Variants in P4HA1 observed in about 807,000 individuals in gnomAD.
P4HA1 encodes prolyl 4-hydroxylase subunit alpha 1.
P4HA1 carries 24 observed loss-of-function variants against 72.8 expected under a neutral mutation model. The ratio of observed to expected loss-of-function variants is 0.33; its 90% confidence interval spans 0.24 to 0.46. The LOEUF (loss-of-function observed/expected upper bound fraction) is 0.46. Among genes scored for constraint, P4HA1 ranks in the 20% least tolerant of loss-of-function variants. The pLI, the probability that P4HA1 is intolerant of heterozygous loss-of-function variation, is 1.00. For synonymous variants in P4HA1, 201 were observed against 218.8 expected (o/e 0.92, Z 0.72); for missense variants, 446 against 640.6 (o/e 0.70, Z 3.28).
At chr10:73,048,673 G>A (rs889558264) in intron 7 of P4HA1, among the ~76,000 whole-genome samples, 1 of 152,112 alleles carries the variant, frequency 6.6e-6, no homozygotes, top group Non-Finnish European at 1.5e-5. Context: ...TTCCTTAAGA[G>A]TTATTAAGAG....
intron 7 of P4HA1, among the ~76,000 whole-genome samples, chr10:73,050,704 A>G (rs947416412): frequency 1.3e-5 from 2 of 151,782 alleles, no homozygotes; most frequent in Admixed American, 6.6e-5. Flanking sequence ...CATCTCAAAA[A>G]AAAAAAAAAA....
chr10:73,094,941 T>C (rs540242351), intron 1 of P4HA1, among the ~76,000 whole-genome samples: 1 of 152,306 alleles, frequency 6.6e-6, no homozygotes, highest in Non-Finnish European at 1.5e-5. Flanking sequence ...ACCAAAGTCC[T>C]GATTTTCAGT....
intron 5 of P4HA1, among the ~76,000 whole-genome samples, chr10:73,054,973 T>G (rs1371032791): frequency 1.3e-5 from 2 of 152,138 alleles, no homozygotes; most frequent in Non-Finnish European, 2.9e-5. Context: ...ACACCTGTAA[T>G]CCAGTGTTTG....
chr10:73,038,328 A>C (rs1200223547), intron 9 of P4HA1, among the ~76,000 whole-genome samples: 1 of 152,204 alleles, frequency 6.6e-6, no homozygotes. Flanking sequence ...TACATTCATG[A>C]TATCATAAAT....
At chr10:73,067,172 T>C (rs1841443564) in intron 5 of P4HA1, among the ~76,000 whole-genome samples, 1 of 152,152 alleles carries the variant, frequency 6.6e-6, no homozygotes, top group Admixed American at 6.5e-5. Flanking sequence ...CCAGCCCTAT[T>C]TTGTTAAATG....
At chr10:73,048,212 A>C (rs1049660264) in intron 7 of P4HA1, among the ~76,000 whole-genome samples, 2 of 152,180 alleles carry the variant, frequency 1.3e-5, no homozygotes, top group African/African-American at 4.8e-5. Context: ...ATTTTTAGTA[A>C]GTCTTTTATA....
chr10:73,020,933 G>T (rs1434305403), intron 10 of P4HA1, among the ~76,000 whole-genome samples: 2 of 152,108 alleles, frequency 1.3e-5, no homozygotes, highest in African/African-American at 2.4e-5. Flanking sequence ...TCAGGAGTAC[G>T]AGACCAGCCT....
At chr10:73,043,847 G>C in intron 9 of P4HA1, 1 of 1,390,242 alleles carries the variant, frequency 7.2e-7, no homozygotes, top group Non-Finnish European at 1.0e-6. Flanking sequence ...AGAAAGAAAT[G>C]GTCCAAATAT....
At chr10:73,033,411 T>G (rs981840505) in intron 9 of P4HA1, among the ~76,000 whole-genome samples, 3 of 152,174 alleles carry the variant, frequency 2.0e-5, no homozygotes, top group Non-Finnish European at 2.9e-5. Flanking sequence ...TTCAGCCTTA[T>G]AGAGGCAGAC....
chr10:73,051,345 T>C, intron 6 of P4HA1, 96 bp from the exon 7 acceptor site: 2 of 681,716 alleles, frequency 2.9e-6, no homozygotes, highest in South Asian at 2.1e-5. Context: ...TTATAATTTA[T>C]CTTCCAAACC....
chr10:73,054,134 G>A (rs1841080956), intron 5 of P4HA1, among the ~76,000 whole-genome samples: 1 of 152,084 alleles, frequency 6.6e-6, no homozygotes, highest in Non-Finnish European at 1.5e-5. Context: ...TCGAACTCCT[G>A]ATCTCAGGTG....
At chr10:73,043,176 T>A (rs988969113) in intron 9 of P4HA1, among the ~76,000 whole-genome samples, 3 of 152,194 alleles carry the variant, frequency 2.0e-5, no homozygotes, top group African/African-American at 7.2e-5. Context: ...TATAAACAAG[T>A]GAAAATGTAT....
rs377598550 is a variant in P4HA1 at position 73,009,971 on chromosome 10, C to CTT, written c.1438-70_1438-69dup. 3.5e-3 allele frequency: 2,247 copies of CTT among 650,978 alleles called. 12 individuals carry two copies. The highest frequency in any genetic ancestry group is 0.024 in the African/African-American group (1,224 of 51,998). 40.3% of individuals were successfully genotyped at this position (650,978 alleles called of 1,614,324 possible). On this transcript the variant is annotated intron_variant, in intron 13 of 14. Transcript: ENST00000394890. ...AGGTAATTGCTTTCGGTAGTTATTA[C>CTT]TTTTTTTTTTTTTTTGAGACAGAGT...
At chr10:73,059,423 T>TAAAAAAA (rs1564631461) in intron 5 of P4HA1, among the ~76,000 whole-genome samples, 3 of 47,584 alleles carry the variant, frequency 6.3e-5, no homozygotes, top group African/African-American at 1.8e-4. Flanking sequence ...GACAATATAT[T>TAAAAAAA]TAAAAAAAAA....
intron 5 of P4HA1, among the ~76,000 whole-genome samples, chr10:73,057,612 T>C (rs942165169): frequency 6.6e-6 from 1 of 152,008 alleles, no homozygotes; most frequent in Non-Finnish European, 1.5e-5. Flanking sequence ...AAAGAGATAA[T>C]GGTAGAAAAA....
intron 1 of P4HA1, chr10:73,082,424 G>C (rs545578431): frequency 2.0e-5 from 3 of 152,294 alleles, no homozygotes; most frequent in African/African-American, 7.2e-5. Flanking sequence ...ATTTTCAAAA[G>C]TTTATATCTC....
intron 5 of P4HA1, among the ~76,000 whole-genome samples, chr10:73,065,989 T>C (rs944680198): frequency 6.6e-6 from 1 of 152,064 alleles, no homozygotes; most frequent in Non-Finnish European, 1.5e-5. Flanking sequence ...TGACATAAAA[T>C]TTAAAAACAC....
At position 73,016,895 on chromosome 10, in the gene P4HA1, G is replaced by C. The variant is rs1425962607; in HGVS notation, c.1253C>G (p.Ala418Gly). Reference sequence around the variant, plus strand: ...ATACTGTCCTCCAACTCCATAATTTGCTACCTGAAGGAAAGACACAAAGCA... The same window carrying C: ...ATACTGTCCTCCAACTCCATAATTTCCTACCTGAAGGAAAGACACAAAGCA... ...DVSTAEELQV[A>G]NYGVGGQYEP... is the part of the protein sequence containing the mutation. Residue 418 changes from alanine (A) to glycine (G), a missense_variant, in exon 11 of 15, where the codon GCA (alanine) becomes GGA (glycine). Physicochemically the swap from Ala to Gly is moderately conservative, Grantham distance 60. Transcript: ENST00000394890. The C allele has an allele frequency of 6.2e-7, 1 of 1,610,000 alleles. No individual in the cohort carries two copies. The highest frequency in any genetic ancestry group is 8.5e-7 in the Non-Finnish European group (1 of 1,176,800).
At chr10:73,053,246 TA>T in intron 6 of P4HA1, 104 bp downstream of exon 6, 1 of 1,172,240 alleles carries the variant, frequency 8.5e-7, no homozygotes, top group Non-Finnish European at 1.2e-6. Flanking sequence ...TCCTGACTTC[TA>T]AAAAGTAAGA....
Sources: gnomAD v4.1 joint callset for allele counts (sites outside exome capture counted in the v4.1 genomes callset) on GRCh38, gnomAD v4.1.1 for gene constraint, MANE v1.5 for transcripts, NCBI Gene and HGNC (gene_info 2026-07-23, HGNC 2026-07-21) for gene names.